GRM8: variants seen among roughly 807,000 people sequenced by gnomAD.
GRM8 encodes the protein metabotropic glutamate receptor 8.
In GRM8, 47 loss-of-function variants were observed where a neutral mutation model predicts 87.2. The ratio of observed to expected loss-of-function variants is 0.54; its 90% CI spans 0.43 to 0.69. The LOEUF is 0.69. GRM8 is among the 30% of genes least tolerant of loss of function. GRM8 has a pLI of 0.00. For synonymous variants in GRM8, 396 were observed against 404.5 expected (o/e 0.98, Z 0.25); for missense variants, 1,019 against 1,139.2 (o/e 0.89, Z 1.52).
intron 3 of GRM8, among the ~76,000 whole-genome samples, chr7:127,040,062 GAA>G (rs1818273856): frequency 5.7e-4 from 1 of 1,756 alleles, no homozygotes; most frequent in Admixed American, 7.2e-3. Context: ...GAGGAGGGAA[GAA>G]GGGGAGATGG....
rs567958645 is a variant in GRM8 at position 126,761,850 on chromosome 7, C to A, written c.1357+8015G>T. ...AATACCTTTTCCACATCTCGACCAC[C>A]AGAAGAAATGTCACTTTCTATTTGT... is the stretch of plus-strand genomic sequence containing the variant. On this transcript the variant is annotated intron_variant, in intron 7 of 10. Coordinates refer to ENST00000339582, the MANE Select transcript of GRM8 (RefSeq NM_000845.3). Among the ~76,000 whole-genome samples the A allele has an allele frequency of 2.6e-4, 40 of 152,330 alleles. No homozygotes were observed. In the East Asian group the frequency reaches 7.7e-3, roughly 29 times the overall value.
intron 7 of GRM8, among the ~76,000 whole-genome samples, chr7:126,724,295 G>A (rs1251343240): frequency 6.6e-6 from 1 of 152,152 alleles, no homozygotes; most frequent in African/African-American, 2.4e-5. Context: ...AATGCAAGAA[G>A]TGTTGCATGA....
At chr7:126,998,307 T>C (rs932957951) in intron 3 of GRM8, among the ~76,000 whole-genome samples, 2 of 152,034 alleles carry the variant, frequency 1.3e-5, no homozygotes, top group African/African-American at 4.8e-5. Context: ...GTTAGTGTTA[T>C]ACAGAATGGG....
At chr7:126,736,200 C>T (rs940904506) in intron 7 of GRM8, among the ~76,000 whole-genome samples, 1 of 151,994 alleles carries the variant, frequency 6.6e-6, no homozygotes, top group Non-Finnish European at 1.5e-5. Flanking sequence ...CCATGCTAAA[C>T]CAGAAATATA....
chr7:126,840,977 C>A (rs1166253517), intron 6 of GRM8, among the ~76,000 whole-genome samples: 1 of 152,110 alleles, frequency 6.6e-6, no homozygotes, highest in East Asian at 1.9e-4. Flanking sequence ...TCTGACAGAG[C>A]CTAAAAATGA....
intron 9 of GRM8, among the ~76,000 whole-genome samples, chr7:126,477,601 A>AAGAG (rs1175230009): frequency 3.4e-5 from 5 of 146,186 alleles, no homozygotes; most frequent in Middle Eastern, 7.2e-3. Flanking sequence ...GAAAGAAAGA[A>AAGAG]AGAAAGAAAG....
At chr7:126,563,930 G>C (rs764822847) in intron 8 of GRM8, among the ~76,000 whole-genome samples, 1 of 152,212 alleles carries the variant, frequency 6.6e-6, no homozygotes, top group Non-Finnish European at 1.5e-5. Flanking sequence ...AAAGGCTGCA[G>C]AATTTCTGGA....
intron 8 of GRM8, among the ~76,000 whole-genome samples, chr7:126,574,087 CA>C (rs1794912417): frequency 6.6e-6 from 1 of 152,148 alleles, no homozygotes; most frequent in South Asian, 2.1e-4. Context: ...ATAAAAACTT[CA>C]AAAGAAATTA....
chr7:127,014,997 GAAGA>G (rs1244862172), intron 3 of GRM8, among the ~76,000 whole-genome samples: 25 of 114,868 alleles, frequency 2.2e-4, no homozygotes, highest in Admixed American at 6.4e-4. Context: ...GGAAGAAGAA[GAAGA>G]AAGAAGAAGA....
At chr7:127,227,827 A>G (rs571029517) in intron 2 of GRM8, among the ~76,000 whole-genome samples, 9 of 152,220 alleles carry the variant, frequency 5.9e-5, no homozygotes, top group Admixed American at 5.2e-4. Context: ...TCATTCCGGC[A>G]GCAGGGAAGA....
At chr7:127,095,538 A>C (rs1030016079) in intron 3 of GRM8, 3 of 152,214 alleles carry the variant, frequency 2.0e-5, no homozygotes, top group Non-Finnish European at 4.4e-5. Flanking sequence ...AACATTTCTC[A>C]TATATTACAT....
intron 2 of GRM8, among the ~76,000 whole-genome samples, chr7:127,179,157 A>G (rs1039572861): frequency 6.6e-6 from 1 of 152,148 alleles, no homozygotes; most frequent in Non-Finnish European, 1.5e-5. Flanking sequence ...AAGGGTAGAA[A>G]AAGGCATTTC....
intron 7 of GRM8, among the ~76,000 whole-genome samples, chr7:126,725,713 C>T (rs994602245): frequency 2.0e-5 from 3 of 152,172 alleles, no homozygotes; most frequent in African/African-American, 4.8e-5. Flanking sequence ...CACAGTTATG[C>T]AGGTTGTATA....
At chr7:126,992,765 T>C (rs903203353) in intron 3 of GRM8, among the ~76,000 whole-genome samples, 2 of 151,974 alleles carry the variant, frequency 1.3e-5, no homozygotes, top group Non-Finnish European at 2.9e-5. Context: ...AATTAGTGTC[T>C]TTATAAGAAG....
At chr7:126,697,165 TAAAAA>T (rs35078727) in intron 7 of GRM8, among the ~76,000 whole-genome samples, 2 of 138,456 alleles carry the variant, frequency 1.4e-5, no homozygotes. Flanking sequence ...TGTGTGGAAT[TAAAAA>T]AAAAAAAAAA....
intron 3 of GRM8, among the ~76,000 whole-genome samples, chr7:126,937,477 T>C (rs916989632): frequency 6.6e-6 from 1 of 152,020 alleles, no homozygotes; most frequent in South Asian, 2.1e-4. Context: ...CCTGCACCAG[T>C]AGAAAGCAAG....
intron 9 of GRM8, among the ~76,000 whole-genome samples, chr7:126,476,405 A>G (rs954809180): frequency 1.3e-5 from 2 of 152,162 alleles, no homozygotes; most frequent in African/African-American, 4.8e-5. Context: ...GGTAACAGAA[A>G]GAGCCATCTC....
chr7:126,472,536 T>A (rs1389640758), intron 9 of GRM8, among the ~76,000 whole-genome samples: 1 of 152,148 alleles, frequency 6.6e-6, no homozygotes. Flanking sequence ...TTGAAACTTA[T>A]ACTTAAAATG....
chr7:127,156,866 T>C (rs768379784), intron 2 of GRM8, among the ~76,000 whole-genome samples: 7 of 152,050 alleles, frequency 4.6e-5, no homozygotes, highest in Non-Finnish European at 8.8e-5. Flanking sequence ...ATGAAGAATA[T>C]AAAGTTGAAA....
Sources: allele counts gnomAD v4.1 joint callset (sites outside exome capture counted in the v4.1 genomes callset), GRCh38; gene constraint gnomAD v4.1.1; transcripts MANE v1.5; gene names NCBI Gene and HGNC (gene_info 2026-07-23, HGNC 2026-07-21).